SLCO6A1: variants seen among roughly 807,000 people sequenced by gnomAD.
The protein encoded by SLCO6A1 is solute carrier organic anion transporter family member 6A1.
SLCO6A1 carries 65 observed loss-of-function variants against 72.7 expected under a neutral mutation model. The ratio of observed to expected loss-of-function variants is 0.89; its 90% confidence interval spans 0.73 to 1.10. SLCO6A1 has a LOEUF of 1.10. Among genes scored for constraint, SLCO6A1 ranks in the 50% least tolerant of loss-of-function variants. The pLI is 0.00. For missense variants in SLCO6A1, 874 were observed against 872.6 expected (o/e 1.00, Z -0.02); for synonymous variants, 314 against 298.2 (o/e 1.05, Z -0.55).
In SLCO6A1 at chr5:102,417,807, A is replaced by G. The variant is rs147898428; in HGVS notation, c.1472+2019T>C. Among the ~76,000 whole-genome samples the G allele has an allele frequency of 2.5e-3, 381 of 152,170 alleles. 2 individuals are homozygous for G. Among genetic ancestry groups the G allele is most frequent in the African/African-American group, 8.9e-3 (371 of 41,534 alleles). On this transcript the variant is annotated intron_variant, in intron 8 of 13. Transcript: ENST00000506729. ...TCAGGAGTTAAGACCAGCCTGGCCAATATGGTGAACCCTGTCTCTACTAAA... is the reference window on the plus strand; with the variant it reads ...TCAGGAGTTAAGACCAGCCTGGCCAGTATGGTGAACCCTGTCTCTACTAAA...
chr5:102,453,588 C>T (rs1429242166), intron 6 of SLCO6A1, among the ~76,000 whole-genome samples: 2 of 152,056 alleles, frequency 1.3e-5, no homozygotes, highest in Non-Finnish European at 2.9e-5. Flanking sequence ...ATTCTGACTT[C>T]CCCACCCTCA....
chr5:102,381,841 T>C (rs1428167508), intron 12 of SLCO6A1, among the ~76,000 whole-genome samples: 2 of 151,324 alleles, frequency 1.3e-5, no homozygotes, highest in Non-Finnish European at 3.0e-5. Context: ...TTCAGAAATA[T>C]AATTGTTGGC....
chr5:102,414,294 C>T (rs1421561049), intron 8 of SLCO6A1, among the ~76,000 whole-genome samples: 2 of 152,028 alleles, frequency 1.3e-5, no homozygotes, highest in African/African-American at 4.8e-5. Context: ...AGATATCTAT[C>T]CAGCATAATT....
intron 10 of SLCO6A1, among the ~76,000 whole-genome samples, chr5:102,395,375 C>A (rs556751125): frequency 4.6e-5 from 7 of 152,108 alleles, no homozygotes; most frequent in East Asian, 3.9e-4. Flanking sequence ...TGAACTCATC[C>A]TTTTTTATGG....
intron 7 of SLCO6A1, among the ~76,000 whole-genome samples, chr5:102,436,210 T>A (rs1419597376): frequency 6.6e-6 from 1 of 152,112 alleles, no homozygotes; most frequent in East Asian, 1.9e-4. Context: ...GCATAAGAAT[T>A]TAGTGTGATT....
chr5:102,449,860 T>C (rs1750320580), intron 6 of SLCO6A1, among the ~76,000 whole-genome samples: 1 of 152,244 alleles, frequency 6.6e-6, no homozygotes, highest in South Asian at 2.1e-4. Flanking sequence ...TGTAAAATTC[T>C]TTTTTATTTT....
intron 4 of SLCO6A1, among the ~76,000 whole-genome samples, chr5:102,461,971 A>G (rs1033344574): frequency 1.3e-5 from 2 of 152,166 alleles, no homozygotes; most frequent in African/African-American, 4.8e-5. Flanking sequence ...ATATAGCTAG[A>G]AAACCATAAA....
In SLCO6A1 at chr5:102,440,550, A is replaced by G. The variant is rs532332062; in HGVS notation, c.1132-1789T>C. On this transcript the variant is annotated intron_variant, in intron 6 of 13. Transcript: ENST00000506729. ...TAATAATAATAGAAATAAAGTGCACAATAAATGCCATGAGCTTGAATCATC... is the reference window on the plus strand; with the variant it reads ...TAATAATAATAGAAATAAAGTGCACGATAAATGCCATGAGCTTGAATCATC... Among the ~76,000 whole-genome samples the G allele has an allele frequency of 3.3e-5, 5 of 152,228 alleles. No homozygotes were observed. The South Asian group carries it at 8.3e-4, about 25-fold the overall frequency.
chr5:102,480,882 C>T (rs184727935), intron 1 of SLCO6A1, among the ~76,000 whole-genome samples: 9 of 152,232 alleles, frequency 5.9e-5, no homozygotes, highest in Non-Finnish European at 1.3e-4. Flanking sequence ...TAATCAGCAT[C>T]CTGTATTTAA....
chr5:102,477,967 T>C lies in SLCO6A1; in HGVS notation c.617-106A>G, dbSNP rs1000119065. ...TTACAAGCTATTTCCAAAATTATGC[T>C]TTTTTCTTTTAGTTAACATTTCATT... On this transcript the variant is annotated intron_variant, in intron 2 of 13. Transcript: ENST00000506729. 9.2e-6 allele frequency: 10 copies of C among 1,081,386 alleles called. No homozygotes were observed. In the East Asian group the frequency reaches 1.0e-4, roughly 11 times the overall value. The allele number at this position is 1,081,386 out of a possible 1,614,324, so 67.0% of individuals were successfully genotyped here. A position where few individuals can be genotyped will look rare whatever the true frequency, so the allele number is the denominator to read the frequency against.
intron 6 of SLCO6A1, among the ~76,000 whole-genome samples, chr5:102,448,381 T>G (rs1363914845): frequency 6.6e-6 from 1 of 152,192 alleles, no homozygotes; most frequent in Non-Finnish European, 1.5e-5. Context: ...TAGATGACTG[T>G]TAGGTACATT....
chr5:102,404,761 C>T (rs969454960), intron 9 of SLCO6A1, among the ~76,000 whole-genome samples: 1 of 151,994 alleles, frequency 6.6e-6, no homozygotes, highest in Admixed American at 6.6e-5. Context: ...CATAAAATAT[C>T]CAAGTTTTGT....
At chr5:102,389,937 G>C (rs1746657812) in intron 11 of SLCO6A1, among the ~76,000 whole-genome samples, 1 of 151,862 alleles carries the variant, frequency 6.6e-6, no homozygotes, top group Non-Finnish European at 1.5e-5. Flanking sequence ...ACACAGTCTT[G>C]TTATATTGCC....
chr5:102,399,566 C>A lies in SLCO6A1; in HGVS notation c.1803G>T (p.Leu601Phe), dbSNP rs78132105. 6.0e-4 allele frequency: 936 copies of A among 1,557,520 alleles called. 2 individuals are homozygous for A. The African/African-American group carries it at 0.011, about 18-fold the overall frequency. Reference protein sequence around the residue: ...FSGFSGVPIVLAMTRVVPDKL... With the variant: ...FSGFSGVPIVFAMTRVVPDKL... ...TAATATATACATACCGCGTCATGGCCAAGACGATTGGTACACCAGAAAAAC... is the reference window on the plus strand; with the variant it reads ...TAATATATACATACCGCGTCATGGCAAAGACGATTGGTACACCAGAAAAAC... The change falls in exon 10 of 14, where the codon TTG (leucine) becomes TTT (phenylalanine). Residue 601 changes from leucine (L) to phenylalanine (F), a missense_variant. Coordinates refer to ENST00000506729, the MANE Select transcript of SLCO6A1 (RefSeq NM_173488.5).
Position 102,413,163 on chromosome 5 carries a change from T to C in SLCO6A1, c.1473-20A>G, listed in dbSNP as rs200989409. 2.6e-6 allele frequency: 4 copies of C among 1,539,030 alleles called. No individual in the cohort carries two copies. The highest frequency in any genetic ancestry group is 3.5e-6 in the Non-Finnish European group (4 of 1,151,996). ...CCTGTTCTGTAAAAACAAGATTGAA[T>C]GTAATCATATTACCATTGTTTTATA... is the stretch of plus-strand genomic sequence containing the variant. On this transcript the variant is annotated intron_variant, in intron 8 of 13. Transcript: ENST00000506729.
intron 1 of SLCO6A1, among the ~76,000 whole-genome samples, chr5:102,495,734 T>G (rs1358735103): frequency 6.6e-6 from 1 of 151,938 alleles, no homozygotes; most frequent in African/African-American, 2.4e-5. Context: ...GTACATAAAT[T>G]ATATCTAAAT....
At chr5:102,490,914 CAG>C (rs1014322559) in intron 1 of SLCO6A1, among the ~76,000 whole-genome samples, 1 of 152,112 alleles carries the variant, frequency 6.6e-6, no homozygotes, top group African/African-American at 2.4e-5. Flanking sequence ...GAAGCGGACT[CAG>C]GGGGTTGCCA....
rs1411287051 is a variant in SLCO6A1 at position 102,455,438 on chromosome 5, A to T, written c.1131+2944T>A. ...GTTATGAATAGCAGAAGAGAAAACA[A>T]ATGGAAAGTCAAATCATTATTTAAG... On this transcript the variant is annotated intron_variant, in intron 6 of 13. Coordinates refer to ENST00000506729, the MANE Select transcript of SLCO6A1 (RefSeq NM_173488.5). Among the ~76,000 whole-genome samples the T allele has an allele frequency of 4.1e-4, 63 of 152,172 alleles. 1 individual carries two copies. The highest frequency in any genetic ancestry group is 5.9e-5 in the Non-Finnish European group (4 of 68,006).
chr5:102,405,722 T>G (rs571154369), intron 9 of SLCO6A1, among the ~76,000 whole-genome samples: 1 of 152,050 alleles, frequency 6.6e-6, no homozygotes, highest in South Asian at 2.1e-4. Context: ...TGAGCGAAAC[T>G]CACATCTTCA....
Sources: allele counts gnomAD v4.1 joint callset (sites outside exome capture counted in the v4.1 genomes callset), GRCh38; gene constraint gnomAD v4.1.1; transcripts MANE v1.5; gene names NCBI Gene and HGNC (gene_info 2026-07-23, HGNC 2026-07-21).